The following VPS53 variants were observed in gnomAD, a reference collection of about 807,000 sequenced individuals.
VPS53 encodes VPS53 subunit of GARP complex, also known as vacuolar protein sorting-associated protein 53 homolog.
A neutral mutation model predicts 107.0 loss-of-function variants in VPS53; 70 were observed. That is an observed-to-expected ratio of 0.65 (90% CI 0.54 to 0.80). The LOEUF is 0.80. Among genes scored for constraint, VPS53 ranks in the 30% least tolerant of loss-of-function variants. The pLI is 0.00. For synonymous variants in VPS53, 409 were observed against 393.3 expected, an observed-to-expected ratio of 1.04 and a Z score of -0.47; for missense variants, 917 against 1,049.4, an observed-to-expected ratio of 0.87 and a Z score of 1.74.
At chr17:614,749 T>C (rs1969058747) in intron 11 of VPS53, among the ~76,000 whole-genome samples, 1 of 152,196 alleles carries the variant, frequency 6.6e-6, no homozygotes, top group African/African-American at 2.4e-5. Context: ...GCAAACGCTC[T>C]TACACTCAAA....
Position 586,153 on chromosome 17 carries a change from T to C in VPS53, c.1313+117A>G, listed in dbSNP as rs987222456. 16 of 840,150 alleles carry C rather than the reference T, an allele frequency of 1.9e-5. 1 individual carries two copies. Among genetic ancestry groups the C allele is most frequent in the African/African-American group, 1.2e-4 (7 of 58,624 alleles). 52.0% of individuals were successfully genotyped at this position (840,150 alleles called of 1,614,324 possible). The stretch of plus-strand genomic sequence containing the variant: ...ACCCCTAATGGGTTTCTAGGGAGGG[T>C]CACAGGCATGCCACAACCATCTTTC... On this transcript the variant is annotated intron_variant, in intron 13 of 21. Transcript: ENST00000437048.
intron 6 of VPS53, 115 bp from the exon 7 acceptor site, chr17:653,525 C>G: frequency 6.7e-7 from 1 of 1,485,280 alleles, no homozygotes; most frequent in Non-Finnish European, 9.1e-7. Flanking sequence ...AATCAACGTT[C>G]GCTGAGCACT....
chr17:572,380 C>T (rs1454527225), intron 13 of VPS53, among the ~76,000 whole-genome samples: 21 of 137,606 alleles, frequency 1.5e-4, no homozygotes, highest in Non-Finnish European at 2.5e-4. Context: ...GGAGCGTCTC[C>T]GCCGGGCAGC....
At chr17:565,172 C>T (rs1045674807) in intron 13 of VPS53, among the ~76,000 whole-genome samples, 4 of 151,882 alleles carry the variant, frequency 2.6e-5, no homozygotes, top group African/African-American at 7.3e-5. Context: ...GAAGCCGGGG[C>T]GGGTGGATCA....
At position 517,680 on chromosome 17, in the gene VPS53, C is replaced by T. The variant is rs991451537; in HGVS notation, c.*1448G>A. 29 of 351,528 alleles carry T rather than the reference C, an allele frequency of 8.2e-5. No individual in the cohort carries two copies. Among genetic ancestry groups the T allele is most frequent in the African/African-American group, 2.7e-4 (13 of 47,556 alleles). The allele number at this position is 351,528 out of a possible 1,614,324, so 21.8% of individuals were successfully genotyped here. ...GATTACAGGCACTCGCCATGACACC[C>T]GGCTAATTTTTTTTATTTTTAGTTG... is the stretch of plus-strand genomic sequence containing the variant. On this transcript the variant is annotated 3_prime_UTR_variant, in exon 22 of 22. Transcript: ENST00000437048.
intron 13 of VPS53, 86 bp from the exon 14 acceptor site, chr17:562,831 C>T: frequency 1.4e-6 from 2 of 1,434,964 alleles, no homozygotes; most frequent in Non-Finnish European, 1.9e-6. Flanking sequence ...ACATAAACTA[C>T]TGCCACAAGT....
chr17:541,891 G>A (rs928502758), intron 17 of VPS53, among the ~76,000 whole-genome samples: 7 of 149,384 alleles, frequency 4.7e-5, no homozygotes, highest in Non-Finnish European at 8.8e-5. Context: ...ACGCACTGAA[G>A]GAATGTTTAT....
intron 4 of VPS53, among the ~76,000 whole-genome samples, chr17:662,517 ATC>A (rs1265982216): frequency 5.9e-5 from 9 of 151,762 alleles, no homozygotes; most frequent in East Asian, 1.9e-4. Context: ...GTGAAACCCC[ATC>A]TCTACTAAAA....
chr17:648,336 T>C (rs1597433591), intron 7 of VPS53, among the ~76,000 whole-genome samples: 1 of 152,066 alleles, frequency 6.6e-6, no homozygotes, highest in South Asian at 2.1e-4. Context: ...TCACTTGAGG[T>C]GTCAAGAGTT....
chr17:694,881 C>A (rs1295508854), intron 4 of VPS53, among the ~76,000 whole-genome samples: 1 of 152,044 alleles, frequency 6.6e-6, no homozygotes, highest in African/African-American at 2.4e-5. Context: ...ATTATTTTAC[C>A]TTTTCGTAGA....
intron 17 of VPS53, among the ~76,000 whole-genome samples, chr17:547,069 G>C (rs1021950213): frequency 6.6e-6 from 1 of 151,980 alleles, no homozygotes; most frequent in Non-Finnish European, 1.5e-5. Flanking sequence ...TAGAGACAGG[G>C]TTTCGCCATG....
At chr17:575,306 G>A (rs536052203) in intron 13 of VPS53, among the ~76,000 whole-genome samples, 3 of 152,290 alleles carry the variant, frequency 2.0e-5, no homozygotes, top group East Asian at 1.9e-4. Flanking sequence ...TTACTGTTAC[G>A]GTTTAAGAAA....
rs996453551 is a variant in VPS53, at chr17:516,373, T to G, written c.*2755A>C. 7 of 151,944 alleles carry G rather than the reference T, an allele frequency of 4.6e-5. No individual in the cohort carries two copies. Among genetic ancestry groups the G allele is most frequent in the African/African-American group, 1.2e-4 (5 of 41,360 alleles). 9.4% of individuals were successfully genotyped at this position (151,944 alleles called of 1,614,324 possible). A position where few individuals can be genotyped will look rare whatever the true frequency, so the allele number is the denominator to read the frequency against. Reference sequence around the variant, plus strand: ...ACTCAAAATCTCCGGGCATCTGTTTTTTTGTTTGTTTTGAGATAGAGTCTC... The same window carrying G: ...ACTCAAAATCTCCGGGCATCTGTTTGTTTGTTTGTTTTGAGATAGAGTCTC... On this transcript the variant is annotated 3_prime_UTR_variant, in exon 22 of 22. Coordinates refer to ENST00000437048, the MANE Select transcript of VPS53 (RefSeq NM_001128159.3).
At chr17:625,475 TA>T (rs34322673) in intron 10 of VPS53, among the ~76,000 whole-genome samples, 25,153 of 136,232 alleles carry the variant, frequency 0.18, 2,286 homozygotes, top group South Asian at 0.26. Context: ...CCCCATCTCT[TA>T]AAAAAAAAAA....
intron 7 of VPS53, among the ~76,000 whole-genome samples, chr17:651,872 C>G (rs141901527): frequency 6.6e-6 from 1 of 152,188 alleles, no homozygotes; most frequent in Non-Finnish European, 1.5e-5. Context: ...CATCCTCCTT[C>G]GCTCTGAGAA....
intron 13 of VPS53, among the ~76,000 whole-genome samples, chr17:584,533 TTTTC>T (rs1370261303): frequency 1.3e-5 from 2 of 152,210 alleles, no homozygotes; most frequent in Non-Finnish European, 2.9e-5. Flanking sequence ...TTTGCTTTTC[TTTTC>T]TTTTTTTCTT....
Position 685,430 on chromosome 17 carries a change from C to T in VPS53, c.285+11988G>A, listed in dbSNP as rs577669689. Among the ~76,000 whole-genome samples, 150 of 152,268 alleles carry T rather than the reference C, an allele frequency of 9.9e-4. 1 individual carries two copies. The highest frequency in any genetic ancestry group is 3.4e-3 in the African/African-American group (140 of 41,558). On this transcript the variant is annotated intron_variant, in intron 4 of 21. Transcript: ENST00000437048. Reference sequence around the variant, plus strand: ...ACCATACTTTGGGTACCCATACAACCACTCTGTTTTTCACTTTCTGTACAG... The same window carrying T: ...ACCATACTTTGGGTACCCATACAACTACTCTGTTTTTCACTTTCTGTACAG...
At chr17:672,941 T>C (rs1289384114) in intron 4 of VPS53, among the ~76,000 whole-genome samples, 1 of 151,790 alleles carries the variant, frequency 6.6e-6, no homozygotes, top group Non-Finnish European at 1.5e-5. Context: ...TGAAACCCCG[T>C]CTCTACTAAA....
At chr17:667,349 G>A (rs1167638266) in intron 4 of VPS53, among the ~76,000 whole-genome samples, 5 of 151,720 alleles carry the variant, frequency 3.3e-5, no homozygotes, top group Non-Finnish European at 7.4e-5. Flanking sequence ...AAGAAAAATA[G>A]GGCAAAAGAT....
Sources: allele counts gnomAD v4.1 joint callset (sites outside exome capture counted in the v4.1 genomes callset), GRCh38; gene constraint gnomAD v4.1.1; transcripts MANE v1.5; gene names NCBI Gene and HGNC (gene_info 2026-07-23, HGNC 2026-07-21).